CELF2: variants seen among roughly 807,000 people sequenced by gnomAD.
CELF2 encodes the protein CUG triplet repeat RNA-binding protein 2.
CELF2 carries 8 observed loss-of-function variants against 62.6 expected under a neutral mutation model. That is an observed-to-expected ratio of 0.13 (90% CI 0.07 to 0.23). The LOEUF is 0.23. Among genes scored for constraint, CELF2 ranks in the 10% least tolerant of loss-of-function variants. The pLI is 1.00. For synonymous variants in CELF2, 258 were observed against 250.0 expected (o/e 1.03, Z -0.30); for missense variants, 333 against 671.0 (o/e 0.50, Z 5.56).
chr10:10,964,699 A>G (rs1262374760), intron 2 of CELF2, among the ~76,000 whole-genome samples: 1 of 152,220 alleles, frequency 6.6e-6, no homozygotes, highest in Non-Finnish European at 1.5e-5. Flanking sequence ...AAAATTTTAA[A>G]CTGAATGTGA....
At chr10:10,724,262 A>T in the CELF2 span, among the ~76,000 whole-genome samples, 1 of 152,160 alleles carries the variant, frequency 6.6e-6, no homozygotes, top group African/African-American at 2.4e-5. Flanking sequence ...TATTCATTTC[A>T]TGTCCCTTGG....
chr10:11,136,183 A>C (rs1303950102), intron 1 of CELF2, among the ~76,000 whole-genome samples: 1 of 152,252 alleles, frequency 6.6e-6, no homozygotes, highest in Non-Finnish European at 1.5e-5. Flanking sequence ...TCAACTAGCC[A>C]AATAGCAAAT....
At chr10:10,803,989 G>A (rs1185175290) in intron 1 of CELF2, among the ~76,000 whole-genome samples, 1 of 152,188 alleles carries the variant, frequency 6.6e-6, no homozygotes, top group Non-Finnish European at 1.5e-5. Flanking sequence ...ATGAATTAAT[G>A]ACTCCTAACA....
chr10:10,751,288 A>C, the CELF2 span, among the ~76,000 whole-genome samples: 1 of 152,218 alleles, frequency 6.6e-6, no homozygotes, highest in Non-Finnish European at 1.5e-5. Flanking sequence ...TGGAGAGAGA[A>C]CTCACTGCGT....
At chr10:11,082,536 A>G (rs1291799) in intron 1 of CELF2, among the ~76,000 whole-genome samples, 49,844 of 152,094 alleles carry the variant, frequency 0.33, 8,899 homozygotes, top group African/African-American at 0.43. Context: ...TTTGCTCTGA[A>G]TAGAGAGTAA....
the CELF2 span, among the ~76,000 whole-genome samples, chr10:10,482,631 T>C: frequency 1.3e-5 from 2 of 152,232 alleles, no homozygotes; most frequent in African/African-American, 4.8e-5. Flanking sequence ...CTTTTTATTT[T>C]CTGTGTCTTA....
At chr10:10,648,120 C>G in the CELF2 span, among the ~76,000 whole-genome samples, 2 of 152,286 alleles carry the variant, frequency 1.3e-5, no homozygotes, top group South Asian at 2.1e-4. Flanking sequence ...CACTGCCCAC[C>G]ACCTTGCAGC....
chr10:11,048,880 AT>A, intron 1 of CELF2, among the ~76,000 whole-genome samples: 1 of 152,342 alleles, frequency 6.6e-6, no homozygotes. Flanking sequence ...AGAATACCTA[AT>A]TTAAATGAGT....
At chr10:10,463,439 A>G in the CELF2 span, among the ~76,000 whole-genome samples, 1 of 152,206 alleles carries the variant, frequency 6.6e-6, no homozygotes, top group African/African-American at 2.4e-5. Context: ...TGGCTATAAG[A>G]TAAAGTTCTC....
intron 1 of CELF2, among the ~76,000 whole-genome samples, chr10:10,828,529 T>G (rs2057594806): frequency 6.6e-6 from 1 of 152,124 alleles, no homozygotes; most frequent in Non-Finnish European, 1.5e-5. Context: ...AATGGGGAGC[T>G]GTTTAATGGG....
At chr10:10,474,447 G>A in the CELF2 span, among the ~76,000 whole-genome samples, 1 of 152,044 alleles carries the variant, frequency 6.6e-6, no homozygotes, top group Non-Finnish European at 1.5e-5. Flanking sequence ...AACATAGTAG[G>A]CTTTGCAGAC....
At chr10:11,069,521 C>T (rs1322879302) in intron 1 of CELF2, among the ~76,000 whole-genome samples, 1 of 152,214 alleles carries the variant, frequency 6.6e-6, no homozygotes, top group Non-Finnish European at 1.5e-5. Flanking sequence ...CATCATGCAA[C>T]ATTTTGCAGC....
chr10:11,132,153 G>A (rs975344060), intron 1 of CELF2, among the ~76,000 whole-genome samples: 11 of 152,310 alleles, frequency 7.2e-5, no homozygotes, highest in Non-Finnish European at 1.0e-4. Context: ...TGCGTTGTTT[G>A]TAACAATTTT....
the CELF2 span, among the ~76,000 whole-genome samples, chr10:10,629,128 G>A: frequency 1.3e-5 from 2 of 152,098 alleles, no homozygotes; most frequent in Non-Finnish European, 2.9e-5. Flanking sequence ...CTAACTTTGG[G>A]CCTCTGCCCT....
chr10:10,580,502 A>T, the CELF2 span, among the ~76,000 whole-genome samples: 1 of 152,318 alleles, frequency 6.6e-6, no homozygotes, highest in African/African-American at 2.4e-5. Context: ...ATGGTTTACC[A>T]AGACCACTGG....
intron 8 of CELF2, among the ~76,000 whole-genome samples, chr10:11,284,660 G>C (rs1049381764): frequency 6.6e-6 from 1 of 151,054 alleles, no homozygotes; most frequent in Non-Finnish European, 1.5e-5. Flanking sequence ...TGGGTGTGCT[G>C]ATGAAGGATG....
chr10:10,660,631 G>A, the CELF2 span, among the ~76,000 whole-genome samples: 1 of 152,132 alleles, frequency 6.6e-6, no homozygotes, highest in Non-Finnish European at 1.5e-5. Flanking sequence ...GGCTGAGACA[G>A]CATTTATTTT....
intron 5 of CELF2, among the ~76,000 whole-genome samples, chr10:11,264,877 G>A (rs1321334153): frequency 2.6e-5 from 4 of 152,210 alleles, no homozygotes; most frequent in African/African-American, 4.8e-5. Flanking sequence ...AGCATTCACC[G>A]TGAGCTGAAC....
In CELF2 at chr10:11,311,606, C is replaced by G. The variant is rs552627561; in HGVS notation, c.977-2533C>G. 6.6e-6 allele frequency among the ~76,000 whole-genome samples: 1 copy of G among 151,572 alleles called. No individual in the cohort carries two copies. Among genetic ancestry groups the G allele is most frequent in the African/African-American group, 2.4e-5 (1 of 41,218 alleles). On this transcript the variant is annotated intron_variant, in intron 9 of 12. Coordinates refer to ENST00000633077, the MANE Select transcript of CELF2 (RefSeq NM_001326342.2). The surrounding 1 kb of genome is among the most constrained non-coding windows in gnomAD (Gnocchi z 4.7). ...TTACATATTAAAAGAATTTGAAAAG[C>G]GAAAAAGCCACTGATTATGAAAAAT...
Sources: gnomAD v4.1 joint callset for allele counts (sites outside exome capture counted in the v4.1 genomes callset) on GRCh38, gnomAD v4.1.1 for gene constraint, Gnocchi (gnomAD v3.1) non-coding constraint, MANE v1.5 for transcripts, NCBI Gene and HGNC (gene_info 2026-07-23, HGNC 2026-07-21) for gene names.